The following SCRN3 variants were observed in gnomAD, a reference collection of about 807,000 sequenced individuals.
SCRN3 encodes the protein secernin-3.
SCRN3 carries 39 observed loss-of-function variants against 43.1 expected under a neutral mutation model. The observed-to-expected ratio is 0.91, with a 90% CI of 0.70 to 1.18. The LOEUF is 1.18. Among genes scored for constraint, SCRN3 ranks in the 50% most tolerant of loss-of-function variants. The pLI is 0.00. For synonymous variants in SCRN3, 147 were observed against 163.1 expected (o/e 0.90, Z 0.75); for missense variants, 484 against 498.0 (o/e 0.97, Z 0.27).
chr2:174,406,282 T>G (rs1339417627), intron 5 of SCRN3, among the ~76,000 whole-genome samples: 1 of 141,114 alleles, frequency 7.1e-6, no homozygotes, highest in African/African-American at 2.5e-5. Flanking sequence ...TGTATAGGAA[T>G]GCTTGTGATT....
intron 7 of SCRN3, among the ~76,000 whole-genome samples, chr2:174,425,600 C>T (rs1686454227): frequency 1.3e-5 from 2 of 152,168 alleles, no homozygotes; most frequent in South Asian, 4.1e-4. Flanking sequence ...TTTTCTCTCA[C>T]CTATTTCACT....
chr2:174,397,530 A>C (rs1488729464), intron 1 of SCRN3: 2 of 316,690 alleles, frequency 6.3e-6, no homozygotes, highest in Non-Finnish European at 9.1e-6. Context: ...TCTGTTTCAA[A>C]ATTTCAGTCT....
rs963387416 is a variant in SCRN3 at position 174,397,352 on chromosome 2, A to G, written c.-9-923A>G. 14 of 982,472 alleles carry G rather than the reference A, an allele frequency of 1.4e-5. No homozygotes were observed. The Admixed American group carries it at 8.6e-4, about 60-fold the overall frequency. The allele number at this position is 982,472 out of a possible 1,614,324, so 60.9% of individuals were successfully genotyped here. Reference sequence around the variant, plus strand: ...TTCTGGCAGCAAAATAAGGACCTTTAGGTGTTCTATTATAAGTGAAGATCT... The same window carrying G: ...TTCTGGCAGCAAAATAAGGACCTTTGGGTGTTCTATTATAAGTGAAGATCT... On this transcript the variant is annotated intron_variant, in intron 1 of 7. Transcript: ENST00000272732.
chr2:174,429,762 C>G (rs1395657378), downstream of SCRN3, among the ~76,000 whole-genome samples: 1 of 152,188 alleles, frequency 6.6e-6, no homozygotes, highest in Non-Finnish European at 1.5e-5. Flanking sequence ...TAAAAATCTT[C>G]TGTGTTCTGC....
Position 174,401,173 on chromosome 2 carries a change from A to G in SCRN3, c.525A>G (p.Ala175=), listed in dbSNP as rs765459400. The change falls in exon 4 of 8, where the codon GCA becomes GCG. Residue 175 remains alanine (A), a synonymous_variant. Transcript: ENST00000272732. ...WILETAGKYW[A]AEKVQEGVRN... ...TGGAGACTGCAGGGAAGTACTGGGC[A>G]GCAGAAAAAGTACAAGGTATGGACA... 2 of 1,613,554 alleles carry G rather than the reference A, an allele frequency of 1.2e-6. No individual in the cohort carries two copies. The highest frequency in any genetic ancestry group is 4.5e-5 in the East Asian group (2 of 44,872).
intron 3 of SCRN3, 41 bp downstream of exon 3, chr2:174,400,144 ATTTATAATTTT>A: frequency 7.3e-7 from 1 of 1,378,092 alleles, no homozygotes; most frequent in South Asian, 1.5e-5. Flanking sequence ...CCTTGTCTAA[ATTTATAATTTT>A]TGTGTAACTC....
intron 5 of SCRN3, among the ~76,000 whole-genome samples, chr2:174,414,574 T>A (rs2105602569): frequency 6.6e-6 from 1 of 152,310 alleles, no homozygotes; most frequent in South Asian, 2.1e-4. Flanking sequence ...AGATATGTAG[T>A]ATCCTATTAT....
intron 7 of SCRN3, among the ~76,000 whole-genome samples, chr2:174,426,402 A>C (rs1312412059): frequency 1.3e-5 from 2 of 152,204 alleles, no homozygotes; most frequent in Non-Finnish European, 2.9e-5. Flanking sequence ...AAAGCTGCAT[A>C]CAATTTCATA....
chr2:174,418,022 G>A (rs2105611504), intron 5 of SCRN3, among the ~76,000 whole-genome samples: 1 of 152,212 alleles, frequency 6.6e-6, no homozygotes, highest in Admixed American at 6.5e-5. Context: ...GAACAACAAT[G>A]CATAATCAAG....
At chr2:174,406,577 A>G (rs1303165679) in intron 5 of SCRN3, among the ~76,000 whole-genome samples, 6 of 150,744 alleles carry the variant, frequency 4.0e-5, no homozygotes, top group Non-Finnish European at 5.9e-5. Context: ...CCCATTCAGT[A>G]TGATATTGGC....
intron 5 of SCRN3, 89 bp from the exon 6 acceptor site, chr2:174,422,796 C>T (rs373001341): frequency 4.1e-6 from 3 of 733,496 alleles, no homozygotes; most frequent in Middle Eastern, 3.8e-4. Context: ...ACTAATATCT[C>T]ACATATTATC....
chr2:174,423,034 C>T lies in SCRN3; in HGVS notation c.904C>T (p.Pro302Ser), dbSNP rs937421425. 6.2e-7 allele frequency: 1 copy of T among 1,612,506 alleles called. No homozygotes were observed. The highest frequency in any genetic ancestry group is 8.5e-7 in the Non-Finnish European group (1 of 1,179,088). Reference sequence around the variant, plus strand: ...TTGCATTCACTTCTTTACAGGGACTCCTGATCCTGAGAGGTGAAGCCACAA... The same window carrying T: ...TTGCATTCACTTCTTTACAGGGACTTCTGATCCTGAGAGGTGAAGCCACAA... ...LPCIHFFTGT[P>S]DPERSVFKPF... Residue 302 changes from proline (P) to serine (S), a missense_variant, in exon 6 of 8, where the codon CCT (proline) becomes TCT (serine). By Grantham distance (74) the Pro-to-Ser change is moderately conservative (BLOSUM62 -1). Transcript: ENST00000272732.
At position 174,404,329 on chromosome 2, in the gene SCRN3, A is replaced by G. The variant is rs199872139; in HGVS notation, c.754+14A>G. 5.0e-5 allele frequency: 78 copies of G among 1,562,184 alleles called. 1 individual carries two copies. The East Asian group carries it at 1.7e-3, about 35-fold the overall frequency. ...ATAAGCACAAAGGTAATTTTATCAT[A>G]TAAATAATATTAGGATGACAAACTA... On this transcript the variant is annotated intron_variant, in intron 5 of 7. Transcript: ENST00000272732.
intron 2 of SCRN3, 79 bp from the exon 3 acceptor site, chr2:174,399,843 A>AT (rs1559070076): frequency 1.8e-6 from 2 of 1,088,636 alleles, no homozygotes; most frequent in Non-Finnish European, 2.4e-6. Context: ...CTTCTGACTG[A>AT]TTTTTTTAAA....
chr2:174,427,185 G>C (rs1686515959), intron 7 of SCRN3, among the ~76,000 whole-genome samples: 3 of 152,122 alleles, frequency 2.0e-5, no homozygotes, highest in African/African-American at 2.4e-5. Context: ...TGATCATGGT[G>C]ATTCATCAAC....
chr2:174,396,994 AAG>A, intron 1 of SCRN3: 1 of 764,716 alleles, frequency 1.3e-6, no homozygotes, highest in Non-Finnish European at 1.6e-6. Context: ...AGGCATAGGT[AAG>A]AGAGAGATTA....
chr2:174,404,373 T>C (rs1315549267), intron 5 of SCRN3, 58 bp downstream of exon 5: 32 of 1,162,626 alleles, frequency 2.8e-5, no homozygotes, highest in Non-Finnish European at 3.6e-5. Context: ...GTAGATGTAA[T>C]ATGGGAATGA....
chr2:174,429,960 C>A (rs908259853), downstream of SCRN3, among the ~76,000 whole-genome samples: 1 of 152,150 alleles, frequency 6.6e-6, no homozygotes, highest in East Asian at 1.9e-4. Context: ...CTTGATAGCT[C>A]ATTTCTTTTA....
chr2:174,396,761 G>T (rs1280042461), intron 1 of SCRN3, among the ~76,000 whole-genome samples: 2 of 150,198 alleles, frequency 1.3e-5, no homozygotes, highest in Admixed American at 1.3e-4. Context: ...CTGCTCCATT[G>T]CACTCCAGCC....
Sources: gnomAD v4.1 joint callset for allele counts (sites outside exome capture counted in the v4.1 genomes callset) on GRCh38, gnomAD v4.1.1 for gene constraint, MANE v1.5 for transcripts, NCBI Gene and HGNC (gene_info 2026-07-23, HGNC 2026-07-21) for gene names.